LINGO2: variants seen among roughly 807,000 people sequenced by gnomAD.
LINGO2 encodes the protein leucine-rich repeat and immunoglobulin-like domain-containing nogo receptor-interacting protein 2.
A neutral mutation model predicts 30.6 loss-of-function variants in LINGO2; 14 were observed. That is an observed-to-expected ratio of 0.46 (90% CI 0.30 to 0.72). The LOEUF (loss-of-function observed/expected upper bound fraction) is 0.72. Ranked by LOEUF, LINGO2 falls within the 30% of genes least tolerant of loss-of-function variation. LINGO2 has a pLI of 0.07. For synonymous variants in LINGO2, 317 were observed against 288.5 expected (o/e 1.10, Z -1.00); for missense variants, 729 against 751.7 (o/e 0.97, Z 0.35).
chr9:28,285,397 C>CTT (rs1823469078), intron 4 of LINGO2, among the ~76,000 whole-genome samples: 5 of 108,312 alleles, frequency 4.6e-5, no homozygotes, highest in East Asian at 3.4e-4. Flanking sequence ...TGCCCAAGAT[C>CTT]ATTTTTTTTT....
At chr9:28,248,304 A>G (rs150354960) in intron 4 of LINGO2, among the ~76,000 whole-genome samples, 10 of 152,294 alleles carry the variant, frequency 6.6e-5, no homozygotes, top group Non-Finnish European at 1.5e-4. Context: ...GTCATTTGCA[A>G]CAACAGGGAT....
chr9:28,302,654 G>A (rs374232158), intron 3 of LINGO2, among the ~76,000 whole-genome samples: 2 of 152,174 alleles, frequency 1.3e-5, no homozygotes, highest in Admixed American at 6.5e-5. Context: ...CTGGGCAACT[G>A]AGTGAGAACC....
At chr9:28,260,196 A>C (rs950708485) in intron 4 of LINGO2, among the ~76,000 whole-genome samples, 3 of 151,848 alleles carry the variant, frequency 2.0e-5, no homozygotes, top group Non-Finnish European at 4.4e-5. Flanking sequence ...CCATATATAC[A>C]AAGGATACTA....
At chr9:28,484,468 GC>G (rs1826093218) in intron 1 of LINGO2, among the ~76,000 whole-genome samples, 1 of 152,064 alleles carries the variant, frequency 6.6e-6, no homozygotes, top group Admixed American at 6.6e-5. Flanking sequence ...AGTTATCACT[GC>G]CCTGCAGGAT....
chr9:28,067,718 C>A (rs1473837290), intron 4 of LINGO2, among the ~76,000 whole-genome samples: 1 of 152,068 alleles, frequency 6.6e-6, no homozygotes, highest in African/African-American at 2.4e-5. Context: ...GTAACACAAC[C>A]CATGAGTCTT....
intron 2 of LINGO2, among the ~76,000 whole-genome samples, chr9:28,402,140 T>C (rs1822296368): frequency 6.6e-6 from 1 of 152,232 alleles, no homozygotes; most frequent in Non-Finnish European, 1.5e-5. Context: ...ACAGTTAATG[T>C]CATGCAGCCT....
At chr9:28,571,160 T>C (rs1040668671) in intron 1 of LINGO2, among the ~76,000 whole-genome samples, 5 of 151,976 alleles carry the variant, frequency 3.3e-5, no homozygotes, top group African/African-American at 1.2e-4. Flanking sequence ...CTTAAAAAAA[T>C]ACTTTCATGG....
chr9:28,610,426 G>A (rs1306059876), intron 1 of LINGO2, among the ~76,000 whole-genome samples: 3 of 152,062 alleles, frequency 2.0e-5, no homozygotes, highest in East Asian at 1.9e-4. Flanking sequence ...ATGTTGAAAC[G>A]TAATCCCCAA....
upstream of LINGO2, among the ~76,000 whole-genome samples, chr9:28,671,667 A>C (rs13285133): frequency 0.11 from 17,093 of 151,992 alleles, 1,223 homozygotes; most frequent in East Asian, 0.23. Context: ...AGAATCAAAA[A>C]ATTACGTATC....
intron 4 of LINGO2, among the ~76,000 whole-genome samples, chr9:28,144,107 T>A (rs892101959): frequency 6.6e-6 from 1 of 152,046 alleles, no homozygotes; most frequent in Non-Finnish European, 1.5e-5. Flanking sequence ...GACAGAAAAA[T>A]AAATAGATAA....
intron 5 of LINGO2, among the ~76,000 whole-genome samples, chr9:27,953,284 T>G (rs1563851277): frequency 6.6e-6 from 1 of 152,160 alleles, no homozygotes; most frequent in Non-Finnish European, 1.5e-5. Context: ...TTTTTCCTAT[T>G]TCTAGAAATG....
chr9:28,934,578 A>G, the LINGO2 span, among the ~76,000 whole-genome samples: 1 of 152,218 alleles, frequency 6.6e-6, no homozygotes, highest in African/African-American at 2.4e-5. Context: ...CCCTAAAAAA[A>G]TCAGGTATCT....
At chr9:27,948,590 GT>G (rs1218519445) in exon 6 of LINGO2, 1 of 400,410 alleles carries the variant, frequency 2.5e-6, no homozygotes, top group African/African-American at 2.1e-5. Flanking sequence ...AAATATTCAG[GT>G]TCATTACTGA....
At chr9:28,101,969 C>T (rs906898474) in intron 4 of LINGO2, among the ~76,000 whole-genome samples, 3 of 152,096 alleles carry the variant, frequency 2.0e-5, no homozygotes, top group East Asian at 1.9e-4. Flanking sequence ...GAACATGCTG[C>T]CATAGACTGG....
intron 1 of LINGO2, among the ~76,000 whole-genome samples, chr9:28,501,480 G>C (rs1312589953): frequency 6.6e-6 from 1 of 152,106 alleles, no homozygotes; most frequent in Non-Finnish European, 1.5e-5. Flanking sequence ...TGGGGAAAAG[G>C]GCAATCTAAA....
the LINGO2 span, among the ~76,000 whole-genome samples, chr9:28,914,350 T>C: frequency 6.6e-6 from 1 of 152,188 alleles, no homozygotes; most frequent in African/African-American, 2.4e-5. Context: ...AGTAAGGTTA[T>C]GGACTTTATG....
chr9:28,076,092 C>A (rs74590313), intron 4 of LINGO2, among the ~76,000 whole-genome samples: 4,100 of 152,104 alleles, frequency 0.027, 117 homozygotes, highest in Admixed American at 0.08. Flanking sequence ...AGCAGGATAT[C>A]CTGTCTTAAT....
the LINGO2 span, among the ~76,000 whole-genome samples, chr9:28,963,594 G>C: frequency 7.0e-6 from 1 of 143,492 alleles, no homozygotes; most frequent in Admixed American, 6.8e-5. Context: ...ATACCATTAA[G>C]TCATAAAAAA....
chr9:28,174,687 C>T (rs1828693772), intron 4 of LINGO2, among the ~76,000 whole-genome samples: 1 of 152,198 alleles, frequency 6.6e-6, no homozygotes, highest in South Asian at 2.1e-4. Context: ...ATATACATCA[C>T]ACCGTATGGT....
Sources: allele counts gnomAD v4.1 joint callset (sites outside exome capture counted in the v4.1 genomes callset), GRCh38; gene constraint gnomAD v4.1.1; transcripts MANE v1.5; gene names NCBI Gene and HGNC (gene_info 2026-07-23, HGNC 2026-07-21).